The following ZEB2 variants were observed in gnomAD, a reference collection of about 807,000 sequenced individuals.
ZEB2 encodes the protein zinc finger E-box-binding homeobox 2.
Under a neutral mutation model 99.9 loss-of-function variants are expected in ZEB2, and 6 were observed. The ratio of observed to expected loss-of-function variants is 0.06; its 90% CI spans 0.03 to 0.12. The LOEUF (loss-of-function observed/expected upper bound fraction) is 0.12. Among genes scored for constraint, ZEB2 ranks in the 10% least tolerant of loss-of-function variants. The pLI, the probability that ZEB2 is intolerant of heterozygous loss-of-function variation, is 1.00. For missense variants in ZEB2, 969 were observed against 1,502.8 expected, an observed-to-expected ratio of 0.64 and a Z score of 5.87; for synonymous variants, 517 against 542.5, an observed-to-expected ratio of 0.95 and a Z score of 0.65.
intron 5 of ZEB2, 73 bp from the exon 6 acceptor site, chr2:144,404,203 C>T: frequency 1.3e-6 from 2 of 1,530,186 alleles, no homozygotes; most frequent in South Asian, 2.3e-5. Flanking sequence ...AATGGGCTGA[C>T]TGCCCGGGAT....
intron 2 of ZEB2, chr2:144,503,759 T>C (rs557023409): frequency 4.6e-5 from 7 of 152,312 alleles, no homozygotes; most frequent in African/African-American, 1.4e-4. Context: ...AGAGTAAAAG[T>C]TGAGTATCTT....
chr2:144,513,852 TC>T (rs1705087014), intron 2 of ZEB2: 1 of 1,532,848 alleles, frequency 6.5e-7, no homozygotes, highest in African/African-American at 1.4e-5. Context: ...GGCTGGGTTT[TC>T]CCCCTCCTCT....
intron 2 of ZEB2, among the ~76,000 whole-genome samples, chr2:144,460,874 T>G (rs987116065): frequency 7.3e-5 from 11 of 151,628 alleles, no homozygotes; most frequent in Non-Finnish European, 1.3e-4. Flanking sequence ...ACCATAATTC[T>G]AAAAAAAAGT....
At chr2:144,496,576 C>T (rs1039359627) in intron 2 of ZEB2, 6 of 152,180 alleles carry the variant, frequency 3.9e-5, no homozygotes, top group African/African-American at 1.2e-4. Flanking sequence ...TCCTTCTAGT[C>T]AATGATCATT....
chr2:144,467,293 C>T (rs769047344), intron 2 of ZEB2, among the ~76,000 whole-genome samples: 31 of 151,972 alleles, frequency 2.0e-4, no homozygotes, highest in Non-Finnish European at 3.5e-4. Context: ...TAAAACCCTA[C>T]GTTTCTACTC....
intron 2 of ZEB2, among the ~76,000 whole-genome samples, chr2:144,432,557 C>T (rs1703788081): frequency 1.3e-5 from 2 of 152,146 alleles, no homozygotes; most frequent in African/African-American, 2.4e-5. Flanking sequence ...CTTTGCACTT[C>T]CTGATCCCTA....
intron 2 of ZEB2, chr2:144,450,246 G>C (rs1002105975): frequency 6.6e-6 from 1 of 152,102 alleles, no homozygotes; most frequent in Non-Finnish European, 1.5e-5. Context: ...AGCGACAATT[G>C]ACCACTTGCT....
chr2:144,479,469 G>A (rs1186684610), intron 2 of ZEB2, among the ~76,000 whole-genome samples: 1 of 152,154 alleles, frequency 6.6e-6, no homozygotes, highest in Non-Finnish European at 1.5e-5. Flanking sequence ...GCTAGCAATA[G>A]GCTTGACCTT....
At chr2:144,515,940 G>A (rs972108419) in intron 2 of ZEB2, 6 of 152,008 alleles carry the variant, frequency 3.9e-5, no homozygotes, top group Non-Finnish European at 5.9e-5. Context: ...GCAGGCCGGG[G>A]GCGCGCACAA....
At chr2:144,477,283 A>G (rs1309445759) in intron 2 of ZEB2, among the ~76,000 whole-genome samples, 1 of 152,232 alleles carries the variant, frequency 6.6e-6, no homozygotes, top group East Asian at 1.9e-4. Context: ...AGTGTCAACT[A>G]ATTTTCTAAA....
intron 9 of ZEB2, among the ~76,000 whole-genome samples, chr2:144,391,183 C>G (rs1361513950): frequency 2.0e-5 from 3 of 152,188 alleles, no homozygotes; most frequent in Admixed American, 2.0e-4. Flanking sequence ...AAATCTCAAT[C>G]AGTAATTAAA....
chr2:144,400,230 G>A lies in ZEB2; in HGVS notation c.957C>T (p.Phe319=). 1 of 1,612,884 alleles carries A rather than the reference G, an allele frequency of 6.2e-7. No individual in the cohort carries two copies. The highest frequency in any genetic ancestry group is 8.5e-7 in the Non-Finnish European group (1 of 1,179,994). The part of the protein sequence containing the change: ...PYECPNCKKR[F]SHSGSYSSHI... Reference sequence around the variant, plus strand: ...GCGAACTGTAGGAACCAGAATGGGAGAAACGTTTCTTGCAGTTTGGGCACT... The same window carrying A: ...GCGAACTGTAGGAACCAGAATGGGAAAAACGTTTCTTGCAGTTTGGGCACT... Residue 319 remains phenylalanine, a synonymous_variant, in exon 8 of 10, where the codon TTC becomes TTT. Transcript: ENST00000627532.
intron 2 of ZEB2, among the ~76,000 whole-genome samples, chr2:144,482,672 C>T (rs776218790): frequency 2.6e-5 from 4 of 152,120 alleles, no homozygotes; most frequent in Non-Finnish European, 5.9e-5. Flanking sequence ...TCTCTCCTAC[C>T]TCTGTCCTAA....
intron 2 of ZEB2, among the ~76,000 whole-genome samples, chr2:144,432,646 C>T (rs1174250859): frequency 6.6e-6 from 1 of 152,102 alleles, no homozygotes; most frequent in Non-Finnish European, 1.5e-5. Flanking sequence ...TTGCCTAGTA[C>T]AAGTACTGTG....
intron 2 of ZEB2, among the ~76,000 whole-genome samples, chr2:144,505,826 A>G (rs770979447): frequency 2.0e-5 from 3 of 152,224 alleles, no homozygotes; most frequent in Non-Finnish European, 4.4e-5. Flanking sequence ...ACTTATCTGC[A>G]CAAGTATAAA....
chr2:144,497,386 C>A (rs998897793), intron 2 of ZEB2, among the ~76,000 whole-genome samples: 3 of 152,120 alleles, frequency 2.0e-5, no homozygotes, highest in African/African-American at 7.2e-5. Flanking sequence ...CCAGAGCCTG[C>A]ACATAGTAGG....
intron 2 of ZEB2, among the ~76,000 whole-genome samples, chr2:144,439,133 G>GAAA (rs1174940162): frequency 3.4e-4 from 27 of 79,628 alleles, no homozygotes; most frequent in Admixed American, 2.7e-4. Flanking sequence ...CTGGGAGGAA[G>GAAA]AAAAAAAAAA....
rs549368662 is a variant in ZEB2 at position 144,422,566 on chromosome 2, G to A, written c.403+2230C>T. Reference sequence around the variant, plus strand: ...TGTAATCCCGGCACTTCGGGAGGCCGAGGTGGGAGGATCACCTGAGGTCAT... The same window carrying A: ...TGTAATCCCGGCACTTCGGGAGGCCAAGGTGGGAGGATCACCTGAGGTCAT... On this transcript the variant is annotated intron_variant, in intron 4 of 9. Transcript: ENST00000627532. Among the ~76,000 whole-genome samples, 10 of 152,346 alleles carry A rather than the reference G, an allele frequency of 6.6e-5. No individual in the cohort carries two copies. The South Asian group carries it at 1.9e-3, about 28-fold the overall frequency.
chr2:144,429,461 G>C (rs891912490), intron 3 of ZEB2: 1 of 384,676 alleles, frequency 2.6e-6, no homozygotes, highest in Non-Finnish European at 4.9e-6. Context: ...TATAGATCTT[G>C]ATCATGTTAC....
Sources: allele counts gnomAD v4.1 joint callset (sites outside exome capture counted in the v4.1 genomes callset), GRCh38; gene constraint gnomAD v4.1.1; transcripts MANE v1.5; gene names NCBI Gene and HGNC (gene_info 2026-07-23, HGNC 2026-07-21).